DSCAML1: variants seen among roughly 807,000 people sequenced by gnomAD.
DSCAML1 encodes cell adhesion molecule DSCAML1.
Under a neutral mutation model 200.5 loss-of-function variants are expected in DSCAML1, and 38 were observed. The observed-to-expected ratio is 0.19, with a 90% confidence interval of 0.15 to 0.25. The LOEUF (loss-of-function observed/expected upper bound fraction) is 0.25, where lower values mean the gene tolerates loss of function less well. Among genes scored for constraint, DSCAML1 ranks in the 10% least tolerant of loss-of-function variants. The pLI is 1.00. For synonymous variants in DSCAML1, 1,215 were observed against 1,165.0 expected, an observed-to-expected ratio of 1.04 and a Z score of -0.87; for missense variants, 2,223 against 2,858.8, an observed-to-expected ratio of 0.78 and a Z score of 5.07.
intron 1 of DSCAML1, among the ~76,000 whole-genome samples, chr11:117,794,037 C>T (rs929076614): frequency 1.1e-4 from 16 of 151,590 alleles, no homozygotes; most frequent in Non-Finnish European, 1.8e-4. Flanking sequence ...CCATTGCCCC[C>T]CCCCCCTTTT....
intron 1 of DSCAML1, among the ~76,000 whole-genome samples, chr11:117,790,311 A>C (rs2055436887): frequency 6.6e-6 from 1 of 152,166 alleles, no homozygotes; most frequent in Non-Finnish European, 1.5e-5. Flanking sequence ...CTTGGAGGGG[A>C]ATGGGAGGAG....
rs1591457375 is a variant in DSCAML1, at chr11:117,738,784, C to T, written c.511+38007G>A. On this transcript the variant is annotated intron_variant, in intron 3 of 32. Transcript: ENST00000651296. Reference sequence around the variant, plus strand: ...GGTCTGGAGCCACAGTGCAGGTTTGCACCGGTATAACTGTATCTCTATTTT... The same window carrying T: ...GGTCTGGAGCCACAGTGCAGGTTTGTACCGGTATAACTGTATCTCTATTTT... Among the ~76,000 whole-genome samples the T allele has an allele frequency of 2.0e-5, 3 of 152,310 alleles. No homozygotes were observed. The East Asian group carries it at 5.8e-4, about 29-fold the overall frequency.
chr11:117,458,767 C>A lies in DSCAML1; in HGVS notation c.3555G>T (p.Gln1185His), dbSNP rs909109871. 1 of 1,613,266 alleles carries A rather than the reference C, an allele frequency of 6.2e-7. No individual in the cohort carries two copies. The highest frequency in any genetic ancestry group is 8.5e-7 in the Non-Finnish European group (1 of 1,179,994). The stretch of plus-strand genomic sequence containing the variant: ...GCCTGGACTCACCGTCCTCCTTGGT[C>A]TGGATGTAGAGCACACTGCTGCGTA... ...DGVRSSVLYIQTKEDVPGPPA... is the reference protein window; with the variant it reads ...DGVRSSVLYIHTKEDVPGPPA... The change falls in exon 19 of 33, where the codon CAG (glutamine) becomes CAT (histidine). Residue 1185 changes from glutamine (Q) to histidine (H), a missense_variant. Transcript: ENST00000651296.
At chr11:117,789,028 C>A (rs2055412782) in intron 1 of DSCAML1, among the ~76,000 whole-genome samples, 1 of 152,224 alleles carries the variant, frequency 6.6e-6, no homozygotes, top group Non-Finnish European at 1.5e-5. Context: ...CCACCCTAGT[C>A]ATTGAGATGA....
intron 3 of DSCAML1, among the ~76,000 whole-genome samples, chr11:117,549,738 C>A (rs192759201): frequency 6.6e-6 from 1 of 152,298 alleles, no homozygotes; most frequent in Admixed American, 6.5e-5. Context: ...TGCTTGACTC[C>A]CATTTTCCTC....
chr11:117,442,525 T>A (rs1294181818), intron 21 of DSCAML1, among the ~76,000 whole-genome samples: 1 of 151,998 alleles, frequency 6.6e-6, no homozygotes, highest in African/African-American at 2.4e-5. Flanking sequence ...TGCGTGTGTG[T>A]GTATGGGGGA....
chr11:117,486,322 AGCGGATGTGAAAATG>A lies in DSCAML1; in HGVS notation c.2360-4175_2360-4161del, dbSNP rs1158602810. On this transcript the variant is annotated intron_variant, in intron 11 of 32. Transcript: ENST00000651296. ...ATGTGAAAGTAGTGGATGTGAAAGT[AGCGGATGTGAAAATG>A]GCGGATGTGATAATGGCGGATGTGA... Among the ~76,000 whole-genome samples the A allele has an allele frequency of 2.8e-4, 37 of 134,216 alleles. 1 individual carries two copies. Among genetic ancestry groups the A allele is most frequent in the African/African-American group, 7.8e-4 (28 of 35,782 alleles). 88.1% of individuals were successfully genotyped at this position (134,216 alleles called of 152,430 possible). A position where few individuals can be genotyped will look rare whatever the true frequency, so the allele number is the denominator to read the frequency against.
chr11:117,464,449 C>T (rs11819822), intron 17 of DSCAML1, among the ~76,000 whole-genome samples: 24,226 of 152,082 alleles, frequency 0.16, 3,006 homozygotes, highest in East Asian at 0.46. Context: ...TCTCTCCAGT[C>T]ATGGAAGAAT....
At chr11:117,651,507 C>T (rs1443308090) in intron 3 of DSCAML1, among the ~76,000 whole-genome samples, 2 of 151,670 alleles carry the variant, frequency 1.3e-5, no homozygotes, top group East Asian at 3.9e-4. Flanking sequence ...AGATCGAGAC[C>T]ATCCTGGCTA....
chr11:117,778,363 G>A (rs192080589), intron 2 of DSCAML1, among the ~76,000 whole-genome samples: 34 of 152,300 alleles, frequency 2.2e-4, no homozygotes, highest in African/African-American at 7.0e-4. Context: ...TGGAAAGAGC[G>A]GGCTGGGGTG....
At chr11:117,607,124 G>A (rs1396185597) in intron 3 of DSCAML1, among the ~76,000 whole-genome samples, 2 of 152,178 alleles carry the variant, frequency 1.3e-5, no homozygotes, top group African/African-American at 4.8e-5. Context: ...GCAGGGCAGG[G>A]GACTGACTCT....
intron 8 of DSCAML1, among the ~76,000 whole-genome samples, chr11:117,506,908 C>T (rs540437087): frequency 2.6e-5 from 4 of 152,266 alleles, no homozygotes; most frequent in South Asian, 4.1e-4. Flanking sequence ...AGAGAGGAAG[C>T]CCTGTCTTCT....
chr11:117,428,874 C>A (rs2047723989), intron 32 of DSCAML1, 71 bp from the exon 33 acceptor site: 3 of 1,398,360 alleles, frequency 2.1e-6, no homozygotes, highest in Non-Finnish European at 2.9e-6. Flanking sequence ...CAGCCCCCAC[C>A]CCATCCCCTG....
intron 3 of DSCAML1, among the ~76,000 whole-genome samples, chr11:117,702,019 A>G: frequency 6.6e-6 from 1 of 151,962 alleles, no homozygotes; most frequent in East Asian, 1.9e-4. Flanking sequence ...CAACCCCCTG[A>G]CCTGGTACCA....
intron 3 of DSCAML1, among the ~76,000 whole-genome samples, chr11:117,616,822 T>G (rs1344907451): frequency 6.6e-6 from 1 of 152,228 alleles, no homozygotes; most frequent in African/African-American, 2.4e-5. Flanking sequence ...AAAATAAACA[T>G]TAAAAATGTT....
At chr11:117,767,152 C>T (rs549277866) in intron 3 of DSCAML1, among the ~76,000 whole-genome samples, 126 of 152,196 alleles carry the variant, frequency 8.3e-4, no homozygotes, top group African/African-American at 2.6e-3. Flanking sequence ...TGATGCCGGC[C>T]GCAGGGCACA....
intron 3 of DSCAML1, among the ~76,000 whole-genome samples, chr11:117,547,771 C>G (rs1467847778): frequency 6.6e-6 from 1 of 152,200 alleles, no homozygotes; most frequent in Non-Finnish European, 1.5e-5. Flanking sequence ...GACATCTGAT[C>G]ATGCTGAAAA....
chr11:117,686,287 G>C (rs918022266), intron 3 of DSCAML1, among the ~76,000 whole-genome samples: 1 of 152,334 alleles, frequency 6.6e-6, no homozygotes, highest in East Asian at 1.9e-4. Context: ...GCAGAGGTGC[G>C]GTCAAGTGCT....
chr11:117,754,278 A>G (rs2054650343), intron 3 of DSCAML1, among the ~76,000 whole-genome samples: 1 of 152,200 alleles, frequency 6.6e-6, no homozygotes, highest in Non-Finnish European at 1.5e-5. Context: ...GCCCTTCATT[A>G]AATCCGACAC....
Sources: allele counts gnomAD v4.1 joint callset (sites outside exome capture counted in the v4.1 genomes callset), GRCh38; gene constraint gnomAD v4.1.1; transcripts MANE v1.5; gene names NCBI Gene and HGNC (gene_info 2026-07-23, HGNC 2026-07-21).